CNN1: variants seen among roughly 807,000 people sequenced by gnomAD.
The protein encoded by CNN1 is calponin 1.
CNN1 carries 21 observed loss-of-function variants against 35.3 expected under a neutral mutation model. That is an observed-to-expected ratio of 0.60 (90% CI 0.42 to 0.86). CNN1 has a LOEUF of 0.86. Ranked by LOEUF, CNN1 falls within the 40% of genes least tolerant of loss-of-function variation. CNN1 has a pLI of 0.00. For missense variants in CNN1, 314 were observed against 400.8 expected, an observed-to-expected ratio of 0.78 and a Z score of 1.85; for synonymous variants, 164 against 161.8, an observed-to-expected ratio of 1.01 and a Z score of -0.10.
At chr19:11,547,083 G>A (rs186316742) in intron 4 of CNN1, 114 bp downstream of exon 4, 19 of 1,486,954 alleles carry the variant, frequency 1.3e-5, no homozygotes, top group East Asian at 4.6e-5. Context: ...GGCAGGGATC[G>A]GGGAGCAGGT....
chr19:11,541,894 ATTTTTGTTTTT>A (rs1972470816), intron 2 of CNN1: 1 of 112,284 alleles, frequency 8.9e-6, no homozygotes, highest in Non-Finnish European at 1.8e-5. Flanking sequence ...TGCCCGGTTA[ATTTTTGTTTTT>A]TTTTTTTTTT....
intron 2 of CNN1, among the ~76,000 whole-genome samples, chr19:11,541,437 G>A (rs1365684927): frequency 1.3e-5 from 2 of 152,160 alleles, no homozygotes; most frequent in African/African-American, 2.4e-5. Context: ...TAACCACCAT[G>A]CTATATAGGG....
intron 4 of CNN1, among the ~76,000 whole-genome samples, chr19:11,547,432 C>T (rs1299981727): frequency 2.0e-5 from 3 of 151,350 alleles, no homozygotes; most frequent in South Asian, 2.1e-4. Flanking sequence ...CAGTGTTGGC[C>T]GGGCACGGTG....
chr19:11,549,798 C>T lies in CNN1; in HGVS notation c.*3C>T, dbSNP rs767579498. On this transcript the variant is annotated 3_prime_UTR_variant, in exon 7 of 7. Transcript: ENST00000252456. The surrounding 1 kb of genome is among the most constrained non-coding windows in gnomAD (Gnocchi z 5.2). The stretch of plus-strand genomic sequence containing the variant: ...ACAACTACTACAATTCCGCCTAGGG[C>T]CACAAGGCCTTCCCTGTTTTCCCCC... The T allele has an allele frequency of 1.9e-6, 3 of 1,595,652 alleles. No homozygotes were observed. The highest frequency in any genetic ancestry group is 2.6e-6 in the Non-Finnish European group (3 of 1,167,082).
At chr19:11,539,597 C>T in intron 1 of CNN1, 2 of 830,876 alleles carry the variant, frequency 2.4e-6, no homozygotes, top group Non-Finnish European at 1.7e-6. Context: ...TGGACTCACC[C>T]CCCATACACC....
At chr19:11,541,447 G>A (rs1243502868) in intron 2 of CNN1, among the ~76,000 whole-genome samples, 2 of 152,126 alleles carry the variant, frequency 1.3e-5, no homozygotes, top group Non-Finnish European at 2.9e-5. Context: ...GCTATATAGG[G>A]TAGGCCCATC....
intron 2 of CNN1, among the ~76,000 whole-genome samples, chr19:11,546,284 C>G: frequency 6.6e-6 from 1 of 151,632 alleles, no homozygotes; most frequent in Admixed American, 6.6e-5. Flanking sequence ...TGTGGTCATC[C>G]CGTCACCCTC....
chr19:11,546,547 G>T (rs2145039586), intron 2 of CNN1, 128 bp from the exon 3 acceptor site: 2 of 905,906 alleles, frequency 2.2e-6, no homozygotes, highest in Non-Finnish European at 3.5e-6. Flanking sequence ...TGTTGGCCAG[G>T]ATAGTCTCGC....
Position 11,549,772 on chromosome 19 carries a change from C to G in CNN1, c.871C>G (p.His291Asp). The G allele has an allele frequency of 1.2e-6, 2 of 1,612,472 alleles. No homozygotes were observed. The highest frequency in any genetic ancestry group is 1.7e-6 in the Non-Finnish European group (2 of 1,178,998). ...LGEPAHNHHA[H>D]NYYNSA ...TGAGCCCGCCCACAACCACCACGCA[C>G]ACAACTACTACAATTCCGCCTAGGG... Residue 291 changes from histidine to aspartate, a missense_variant, in exon 7 of 7, where the codon CAC (histidine) becomes GAC (aspartate). By Grantham distance (81) the His-to-Asp change is moderately conservative. Coordinates refer to ENST00000252456, the MANE Select transcript of CNN1 (RefSeq NM_001299.6). The surrounding 1 kb of genome is among the most constrained non-coding windows in gnomAD (Gnocchi z 5.2).
At chr19:11,548,047 AACTC>A (rs776683843) in intron 5 of CNN1, 140 bp downstream of exon 5, 57 of 556,180 alleles carry the variant, frequency 1.0e-4, no homozygotes, top group Non-Finnish European at 1.6e-4. Flanking sequence ...TCCATTCACA[AACTC>A]ACTCACTCTG....
chr19:11,539,703 T>C lies in CNN1; in HGVS notation c.63+713T>C, dbSNP rs894034091. On this transcript the variant is annotated intron_variant, in intron 1 of 6. Coordinates refer to ENST00000252456, the MANE Select transcript of CNN1 (RefSeq NM_001299.6). ...TGCCGAGGGAGGAGTTCCTGCCCCA[T>C]TTGACAGAGGGGAACACTGAGGCTC... 20 of 737,554 alleles carry C rather than the reference T, an allele frequency of 2.7e-5. 1 individual carries two copies. The highest frequency in any genetic ancestry group is 3.7e-5 in the Non-Finnish European group (18 of 485,884). 45.7% of individuals were successfully genotyped at this position (737,554 alleles called of 1,614,324 possible).
intron 2 of CNN1, 130 bp downstream of exon 2, chr19:11,541,327 T>A: frequency 1.6e-6 from 2 of 1,214,898 alleles, no homozygotes; most frequent in Non-Finnish European, 2.2e-6. Context: ...GGGTGGCCAG[T>A]AATCATTGTG....
chr19:11,539,924 A>T, intron 1 of CNN1: 2 of 1,115,082 alleles, frequency 1.8e-6, no homozygotes, highest in Non-Finnish European at 2.2e-6. Context: ...GCCGCGCCTT[A>T]TAAGGCGGCC....
chr19:11,545,056 C>G (rs1366241371), intron 2 of CNN1, among the ~76,000 whole-genome samples: 1 of 151,934 alleles, frequency 6.6e-6, no homozygotes, highest in Non-Finnish European at 1.5e-5. Flanking sequence ...CAAAATTTAG[C>G]TGGGCATGGT....
intron 2 of CNN1, among the ~76,000 whole-genome samples, chr19:11,543,463 T>TATAATAATAATAATAATAATAATA (rs372575864): frequency 4.2e-4 from 62 of 147,666 alleles, no homozygotes; most frequent in East Asian, 6.0e-4. Context: ...GAACTTAAAG[T>TATAATAATAATAATAATAATAATA]ATAATAATAA....
At chr19:11,539,861 G>A in intron 1 of CNN1, 1 of 1,162,682 alleles carries the variant, frequency 8.6e-7, no homozygotes, top group South Asian at 1.6e-5. Context: ...TCCCAGCGCC[G>A]CCCTCCTCCC....
At chr19:11,546,997 G>C (rs780690959) in intron 4 of CNN1, 28 bp downstream of exon 4, 1 of 1,610,808 alleles carries the variant, frequency 6.2e-7, no homozygotes, top group South Asian at 1.1e-5. Context: ...CTGGGCAGGG[G>C]GTGGTGGGCA....
intron 2 of CNN1, among the ~76,000 whole-genome samples, chr19:11,544,884 G>A (rs1439374965): frequency 6.6e-6 from 1 of 151,828 alleles, no homozygotes; most frequent in Non-Finnish European, 1.5e-5. Context: ...GGAACTGGAC[G>A]GTAACTTGAA....
Position 11,549,713 on chromosome 19 carries a change from A to G in CNN1, c.812A>G (p.Lys271Arg). Residue 271 changes from lysine (K) to arginine (R), a missense_variant, in exon 7 of 7, where the codon AAG becomes AGG. Coordinates refer to ENST00000252456, the MANE Select transcript of CNN1 (RefSeq NM_001299.6). The surrounding 1 kb of genome is among the most constrained non-coding windows in gnomAD (Gnocchi z 5.2). Reference sequence around the variant, plus strand: ...CTGCCACGCCAGGTCTACGACCCCAAGTACTGTCTGACTCCCGAGTACCCA... The same window carrying G: ...CTGCCACGCCAGGTCTACGACCCCAGGTACTGTCTGACTCCCGAGTACCCA... ...YGLPRQVYDP[K>R]YCLTPEYPEL... The G allele has an allele frequency of 6.2e-7, 1 of 1,614,228 alleles. No individual in the cohort carries two copies. The highest frequency in any genetic ancestry group is 8.5e-7 in the Non-Finnish European group (1 of 1,180,028).
Sources: allele counts gnomAD v4.1 joint callset (sites outside exome capture counted in the v4.1 genomes callset), GRCh38; gene constraint gnomAD v4.1.1; non-coding constraint Gnocchi (gnomAD v3.1); transcripts MANE v1.5; gene names NCBI Gene and HGNC (gene_info 2026-07-23, HGNC 2026-07-21).